PLXNA2: variants seen among roughly 807,000 people sequenced by gnomAD.
PLXNA2 encodes plexin-A2.
A neutral mutation model predicts 193.5 loss-of-function variants in PLXNA2; 91 were observed. The observed-to-expected ratio is 0.47, with a 90% CI of 0.40 to 0.56. The LOEUF is 0.56. Ranked by LOEUF, PLXNA2 falls within the 20% of genes least tolerant of loss-of-function variation. The probability of loss-of-function intolerance (pLI) is 0.00; values close to 1 mark genes in which losing one functional copy is unlikely to be tolerated. For synonymous variants in PLXNA2, 997 were observed against 1,027.3 expected, an observed-to-expected ratio of 0.97 and a Z score of 0.56; for missense variants, 1,995 against 2,503.2, an observed-to-expected ratio of 0.80 and a Z score of 4.33.
chr1:208,035,629 C>T (rs962932801), intron 26 of PLXNA2, among the ~76,000 whole-genome samples: 1 of 152,126 alleles, frequency 6.6e-6, no homozygotes, highest in Non-Finnish European at 1.5e-5. Flanking sequence ...CCAATTAAAC[C>T]CCTAACGCAG....
In PLXNA2 at chr1:208,123,586, A is replaced by G. The variant is rs529349111; in HGVS notation, c.1506+18743T>C. 1.1e-3 allele frequency among the ~76,000 whole-genome samples: 173 copies of G among 152,342 alleles called. 5 individuals carry two copies. The South Asian group carries it at 0.032, about 28-fold the overall frequency. On this transcript the variant is annotated intron_variant, in intron 4 of 31. Coordinates refer to ENST00000367033, the MANE Select transcript of PLXNA2 (RefSeq NM_025179.4). ...ATTTAGATTTAATGTTAAGAGACAAATAAGGGTCTCCTGGTAGTCTGTCCA... is the reference window on the plus strand; with the variant it reads ...ATTTAGATTTAATGTTAAGAGACAAGTAAGGGTCTCCTGGTAGTCTGTCCA...
intron 1 of PLXNA2, among the ~76,000 whole-genome samples, chr1:208,227,906 T>C (rs1340535186): frequency 6.6e-6 from 1 of 152,214 alleles, no homozygotes; most frequent in Non-Finnish European, 1.5e-5. Context: ...AGTTACTCCA[T>C]ATAATGGCAT....
chr1:208,056,142 G>A (rs539690338), intron 13 of PLXNA2, among the ~76,000 whole-genome samples: 63 of 152,354 alleles, frequency 4.1e-4, no homozygotes, highest in African/African-American at 1.4e-3. Context: ...CTCTCATCCT[G>A]TTTCCCGGAC....
Sources: allele counts gnomAD v4.1 joint callset (sites outside exome capture counted in the v4.1 genomes callset), GRCh38; gene constraint gnomAD v4.1.1; transcripts MANE v1.5; gene names NCBI Gene and HGNC (gene_info 2026-07-23, HGNC 2026-07-21).